PLD1: variants seen among roughly 807,000 people sequenced by gnomAD.
PLD1 encodes the protein choline phosphatase 1.
In PLD1, 112 loss-of-function variants were observed where a neutral mutation model predicts 137.1. The observed-to-expected ratio is 0.82, with a 90% confidence interval of 0.70 to 0.96. The LOEUF (loss-of-function observed/expected upper bound fraction) is 0.96. Among genes scored for constraint, PLD1 ranks in the 40% least tolerant of loss-of-function variants. The pLI is 0.00. For synonymous variants in PLD1, 431 were observed against 454.7 expected (o/e 0.95, Z 0.66); for missense variants, 1,321 against 1,342.0 (o/e 0.98, Z 0.24).
At chr3:171,707,891 C>A (rs1045129639) in intron 11 of PLD1, among the ~76,000 whole-genome samples, 1 of 152,122 alleles carries the variant, frequency 6.6e-6, no homozygotes, top group Non-Finnish European at 1.5e-5. Context: ...TGTTTGCATT[C>A]TTGAATTAGA....
At chr3:171,807,322 C>A (rs1298705941) in intron 1 of PLD1, among the ~76,000 whole-genome samples, 2 of 152,090 alleles carry the variant, frequency 1.3e-5, no homozygotes, top group Non-Finnish European at 2.9e-5. Flanking sequence ...AGGTGCATTT[C>A]TCTAAAGCTA....
At chr3:171,690,777 T>C (rs961931349) in intron 13 of PLD1, among the ~76,000 whole-genome samples, 7 of 152,346 alleles carry the variant, frequency 4.6e-5, no homozygotes, top group African/African-American at 1.4e-4. Flanking sequence ...ATGCCCCAAG[T>C]GCACTTGAGA....
At chr3:171,660,879 G>C (rs1030130098) in intron 20 of PLD1, among the ~76,000 whole-genome samples, 8 of 152,212 alleles carry the variant, frequency 5.3e-5, no homozygotes, top group Admixed American at 2.0e-4. Context: ...AAAGTGCTGG[G>C]ATTACAGGCA....
intron 19 of PLD1, among the ~76,000 whole-genome samples, chr3:171,670,270 C>G (rs1040715941): frequency 6.6e-6 from 1 of 152,116 alleles, no homozygotes; most frequent in Non-Finnish European, 1.5e-5. Flanking sequence ...AAGAGCTGGA[C>G]GAGAGGACAT....
At chr3:171,742,878 C>A (rs1030724110) in intron 1 of PLD1, among the ~76,000 whole-genome samples, 7 of 152,054 alleles carry the variant, frequency 4.6e-5, no homozygotes, top group African/African-American at 1.7e-4. Flanking sequence ...ATTTTACATT[C>A]CAGACTATAT....
At chr3:171,659,186 C>A (rs375876086) in intron 21 of PLD1, 27 bp downstream of exon 21, 1 of 1,432,390 alleles carries the variant, frequency 7.0e-7, no homozygotes, top group Non-Finnish European at 9.9e-7. Context: ...ACATCTGCAG[C>A]GAGAACTCTC....
chr3:171,633,474 G>A (rs555928481), intron 23 of PLD1, among the ~76,000 whole-genome samples: 55 of 152,148 alleles, frequency 3.6e-4, no homozygotes, highest in East Asian at 1.4e-3. Context: ...ATCACACACC[G>A]GGGCCTGTTG....
chr3:171,744,016 T>C (rs1349990380), intron 1 of PLD1, among the ~76,000 whole-genome samples: 1 of 152,184 alleles, frequency 6.6e-6, no homozygotes, highest in Non-Finnish European at 1.5e-5. Flanking sequence ...TGTAGAAGCC[T>C]TCTGGTTGAA....
intron 25 of PLD1, among the ~76,000 whole-genome samples, chr3:171,609,111 C>T (rs115146134): frequency 3.2e-4 from 48 of 152,096 alleles, no homozygotes; most frequent in African/African-American, 1.1e-3. Flanking sequence ...AAAGAAGACA[C>T]ACAAGCAGCC....
At chr3:171,659,914 C>T (rs1737527564) in intron 20 of PLD1, among the ~76,000 whole-genome samples, 1 of 152,112 alleles carries the variant, frequency 6.6e-6, no homozygotes, top group Non-Finnish European at 1.5e-5. Context: ...TTTTTTTCCT[C>T]TAAGTACTTC....
intron 20 of PLD1, among the ~76,000 whole-genome samples, chr3:171,660,796 C>T (rs1303996273): frequency 2.0e-5 from 3 of 151,760 alleles, no homozygotes; most frequent in Non-Finnish European, 4.4e-5. Context: ...TTAGTAGAGA[C>T]GGGGTTTCAC....
intron 23 of PLD1, among the ~76,000 whole-genome samples, chr3:171,640,196 G>T (rs73038077): frequency 6.6e-6 from 1 of 150,858 alleles, no homozygotes; most frequent in Non-Finnish European, 1.5e-5. Flanking sequence ...ATTTTATTCT[G>T]CTTGCTTTAG....
Position 171,734,826 on chromosome 3 carries a change from A to AAAATT in PLD1, c.540+38_540+39insAATTT, listed in dbSNP as rs773180090. On this transcript the variant is annotated intron_variant, in intron 5 of 26. Coordinates refer to ENST00000351298, the MANE Select transcript of PLD1 (RefSeq NM_002662.5). ...GATGCTGTGTTTCTACAGCACTGCA[A>AAAATT]AATTAGGTTTAAAACCACAGAATAG... 1.5e-4 allele frequency: 197 copies of AAAATT among 1,319,164 alleles called. 1 individual carries two copies. In the African/African-American group the frequency reaches 2.4e-3, roughly 16 times the overall value. The allele number at this position is 1,319,164 out of a possible 1,614,324, so 81.7% of individuals were successfully genotyped here.
At chr3:171,718,234 C>T (rs561427644) in intron 8 of PLD1, among the ~76,000 whole-genome samples, 1 of 152,228 alleles carries the variant, frequency 6.6e-6, no homozygotes. Flanking sequence ...CACATACATC[C>T]CCCTCAAGAC....
At chr3:171,767,673 G>C (rs945462635) in intron 1 of PLD1, among the ~76,000 whole-genome samples, 3 of 152,150 alleles carry the variant, frequency 2.0e-5, no homozygotes, top group African/African-American at 7.2e-5. Context: ...TTCTTGAATA[G>C]TTTCCTCAAC....
intron 23 of PLD1, among the ~76,000 whole-genome samples, chr3:171,624,371 T>C (rs1184693028): frequency 6.6e-6 from 1 of 152,124 alleles, no homozygotes; most frequent in East Asian, 1.9e-4. Context: ...CGACAACATA[T>C]TCTGTTAGTG....
intron 11 of PLD1, among the ~76,000 whole-genome samples, chr3:171,701,610 G>A (rs992459514): frequency 6.6e-6 from 1 of 152,184 alleles, no homozygotes; most frequent in African/African-American, 2.4e-5. Flanking sequence ...AGCTCTTGAG[G>A]AGCCCTCAAT....
At position 171,645,059 on chromosome 3, in the gene PLD1, A is replaced by G. The variant is rs780688528; in HGVS notation, c.2430-36T>C. 1.3e-5 allele frequency: 18 copies of G among 1,348,876 alleles called. No individual in the cohort carries two copies. In the Admixed American group the frequency reaches 2.3e-4, roughly 18 times the overall value. The allele number at this position is 1,348,876 out of a possible 1,614,324, so 83.6% of individuals were successfully genotyped here. ...CAGATGCAGAGAAATTCACCCAAAA[A>G]ATAAAAGGTAGTATCAATTTTAGAT... On this transcript the variant is annotated intron_variant, in intron 21 of 26. Coordinates refer to ENST00000351298, the MANE Select transcript of PLD1 (RefSeq NM_002662.5).
chr3:171,604,567 GA>G (rs1446378790), intron 26 of PLD1, among the ~76,000 whole-genome samples: 2 of 152,100 alleles, frequency 1.3e-5, no homozygotes, highest in East Asian at 3.9e-4. Flanking sequence ...AGTTTTCCCT[GA>G]TGGGCAACTA....
Sources: allele counts gnomAD v4.1 joint callset (sites outside exome capture counted in the v4.1 genomes callset), GRCh38; gene constraint gnomAD v4.1.1; transcripts MANE v1.5; gene names NCBI Gene and HGNC (gene_info 2026-07-23, HGNC 2026-07-21).